Variants in DENND4A observed in about 807,000 individuals in gnomAD.
DENND4A encodes the protein DENN domain containing 4A, also known as C-myc promoter-binding protein.
DENND4A carries 70 observed loss-of-function variants against 199.3 expected under a neutral mutation model. The observed-to-expected ratio is 0.35, with a 90% CI of 0.29 to 0.43. The LOEUF is 0.43. Ranked by LOEUF, DENND4A falls within the 20% of genes least tolerant of loss-of-function variation. The pLI is 1.00. For missense variants in DENND4A, 1,723 were observed against 2,255.8 expected (o/e 0.76, Z 4.78); for synonymous variants, 686 against 766.9 (o/e 0.89, Z 1.74).
intron 1 of DENND4A, among the ~76,000 whole-genome samples, chr15:65,780,537 T>C (rs973776575): frequency 5.3e-5 from 8 of 152,218 alleles, no homozygotes; most frequent in African/African-American, 1.7e-4. Context: ...TGGTCAACTT[T>C]CCATGACATT....
At chr15:65,678,781 T>C (rs2076472829) in intron 23 of DENND4A, among the ~76,000 whole-genome samples, 1 of 151,968 alleles carries the variant, frequency 6.6e-6, no homozygotes, top group Non-Finnish European at 1.5e-5. Context: ...CCTCGACTCC[T>C]CAGGCTCAGG....
intron 1 of DENND4A, among the ~76,000 whole-genome samples, chr15:65,768,850 C>A (rs1337142923): frequency 6.6e-6 from 1 of 151,710 alleles, no homozygotes; most frequent in Non-Finnish European, 1.5e-5. Flanking sequence ...AAAAAATAGC[C>A]GGACGTGGTG....
intron 29 of DENND4A, 100 bp downstream of exon 29, chr15:65,667,349 T>A (rs1404934107): frequency 7.4e-6 from 10 of 1,351,202 alleles, no homozygotes; most frequent in Non-Finnish European, 1.0e-5. Flanking sequence ...ATAAAATAAA[T>A]TTAGCATAAA....
chr15:65,780,160 C>T (rs1044516340), intron 1 of DENND4A, among the ~76,000 whole-genome samples: 3 of 152,174 alleles, frequency 2.0e-5, no homozygotes, highest in Non-Finnish European at 2.9e-5. Flanking sequence ...CCTTGGCCTC[C>T]CAAAGCGTTG....
intron 10 of DENND4A, 83 bp downstream of exon 10, chr15:65,729,451 A>C: frequency 6.7e-7 from 1 of 1,495,228 alleles, no homozygotes; most frequent in Non-Finnish European, 9.0e-7. Flanking sequence ...ATTTTAGTTA[A>C]GTTATATTAA....
rs200674369 is a variant in DENND4A, at chr15:65,667,404, A to G, written c.5241+45T>C. On this transcript the variant is annotated intron_variant, in intron 29 of 32. Coordinates refer to ENST00000443035, the MANE Select transcript of DENND4A (RefSeq NM_001320835.1). The stretch of plus-strand genomic sequence containing the variant: ...TCATTAGGAATATGCAAACATTACA[A>G]TGGTAACAGAAGCATTCATTGCCTT... The G allele has an allele frequency of 5.0e-5, 79 of 1,579,804 alleles. No homozygotes were observed. The Middle Eastern group carries it at 5.1e-4, about 10-fold the overall frequency.
rs2141858406 is a variant in DENND4A, at chr15:65,667,595, C to T, written c.5095G>A (p.Gly1699Ser). Residue 1699 changes from glycine to serine, a missense_variant, in exon 29 of 33, where the codon GGT (glycine) becomes AGT (serine). Gly to Ser is a moderately conservative substitution (Grantham distance 56). Around this residue, in one of 6 missense-constraint regions of DENND4A, gnomAD observed 164 missense variants for 280.1 expected, o/e 0.59. Transcript: ENST00000443035. ...KELESLLENE[G>S]DHAITVADFV... ...TCTGCTACTGTTATTGCATGATCACCTTCATTTTCCAATAAGCTTTCAAGT... is the reference window on the plus strand; with the variant it reads ...TCTGCTACTGTTATTGCATGATCACTTTCATTTTCCAATAAGCTTTCAAGT... 2.5e-6 allele frequency: 4 copies of T among 1,613,972 alleles called. 1 individual carries two copies. The highest frequency in any genetic ancestry group is 3.4e-6 in the Non-Finnish European group (4 of 1,179,888).
At chr15:65,778,120 A>G (rs1252972667) in intron 1 of DENND4A, among the ~76,000 whole-genome samples, 3 of 152,322 alleles carry the variant, frequency 2.0e-5, no homozygotes, top group African/African-American at 7.2e-5. Flanking sequence ...GTTTCAAACA[A>G]TATTCTATAA....
In DENND4A at chr15:65,765,039, T is replaced by C. The variant is rs553329821; in HGVS notation, c.-101-3601A>G. Reference sequence around the variant, plus strand: ...ATTCACATTAGCATTCACAATAATATCAAATATTTCCATTCTGATGAATGA... The same window carrying C: ...ATTCACATTAGCATTCACAATAATACCAAATATTTCCATTCTGATGAATGA... On this transcript the variant is annotated intron_variant, in intron 1 of 32. Transcript: ENST00000443035. Among the ~76,000 whole-genome samples, 10 of 151,690 alleles carry C rather than the reference T, an allele frequency of 6.6e-5. No individual in the cohort carries two copies. In the East Asian group the frequency reaches 7.7e-4, roughly 12 times the overall value.
rs140621061 is a variant in DENND4A, at chr15:65,667,159, G to A, written c.5241+290C>T. Among the ~76,000 whole-genome samples the A allele has an allele frequency of 3.3e-3, 509 of 152,086 alleles. 1 individual carries two copies. The highest frequency in any genetic ancestry group is 5.8e-3 in the Non-Finnish European group (391 of 67,976). On this transcript the variant is annotated intron_variant, in intron 29 of 32. Coordinates refer to ENST00000443035, the MANE Select transcript of DENND4A (RefSeq NM_001320835.1). ...ATCCTGGCCAACATGGTGAAACCCCGTCTCTACTAAAAATACAAAAATTAG... is the reference window on the plus strand; with the variant it reads ...ATCCTGGCCAACATGGTGAAACCCCATCTCTACTAAAAATACAAAAATTAG...
At chr15:65,716,134 A>G (rs1379580524) in intron 13 of DENND4A, among the ~76,000 whole-genome samples, 2 of 152,092 alleles carry the variant, frequency 1.3e-5, no homozygotes, top group Non-Finnish European at 2.9e-5. Context: ...AGGCCCAGGA[A>G]TTCAAGCTCT....
At position 65,737,945 on chromosome 15, in the gene DENND4A, C is replaced by A. The variant is rs1444410488; in HGVS notation, c.802G>T (p.Val268Phe). ...TAAAACTGAATAGCAGCACCATAAA[C>A]CTGCAAAACAAGTAATATATCCAGT... The part of the protein sequence containing the change: ...FVLTGASAEK[V>F]YGAAIQFYEP... Residue 268 changes from valine to phenylalanine, a missense_variant and splice_region_variant, in exon 7 of 33, where the codon GTT (valine) becomes TTT (phenylalanine). Around this residue, in one of 6 missense-constraint regions of DENND4A, gnomAD observed 725 missense variants for 952.9 expected, o/e 0.76. Coordinates refer to ENST00000443035, the MANE Select transcript of DENND4A (RefSeq NM_001320835.1). 6.3e-6 allele frequency: 10 copies of A among 1,575,088 alleles called. No homozygotes were observed.
chr15:65,774,620 A>C (rs1428649970), intron 1 of DENND4A, among the ~76,000 whole-genome samples: 1 of 152,190 alleles, frequency 6.6e-6, no homozygotes, highest in East Asian at 1.9e-4. Context: ...GAGTGAGCTG[A>C]GATCGTGCCA....
At chr15:65,664,887 A>G in intron 30 of DENND4A, 165 bp from the exon 31 acceptor site, 1 of 595,622 alleles carries the variant, frequency 1.7e-6, no homozygotes, top group Non-Finnish European at 2.8e-6. Context: ...AAAATAAGAC[A>G]AATAATGACA....
intron 12 of DENND4A, 91 bp downstream of exon 12, chr15:65,722,757 A>T: frequency 1.0e-6 from 1 of 992,240 alleles, no homozygotes; most frequent in Non-Finnish European, 1.4e-6. Flanking sequence ...GCTTTCTGCT[A>T]GATAAACATT....
intron 12 of DENND4A, among the ~76,000 whole-genome samples, chr15:65,721,480 CA>C (rs1450408560): frequency 6.6e-6 from 1 of 150,636 alleles, no homozygotes; most frequent in Non-Finnish European, 1.5e-5. Flanking sequence ...GCTATAATAC[CA>C]AGAAGATCAG....
rs1329650482 is a variant in DENND4A, at chr15:65,717,989, C to G, written c.1596G>C (p.Gln532His). 1 of 1,596,902 alleles carries G rather than the reference C, an allele frequency of 6.3e-7. No individual in the cohort carries two copies. The highest frequency in any genetic ancestry group is 1.7e-5 in the Admixed American group (1 of 57,298). ...NLHQQLAKLQQRPRDDGLMDL... is the reference protein window; with the variant it reads ...NLHQQLAKLQHRPRDDGLMDL... Reference sequence around the variant, plus strand: ...CCATGAGTCCATCATCTCTCGGTCTCTGCTGCACTGTGAAGACATACAGTG... The same window carrying G: ...CCATGAGTCCATCATCTCTCGGTCTGTGCTGCACTGTGAAGACATACAGTG... The change falls in exon 13 of 33, where the codon CAG becomes CAC. Residue 532 changes from glutamine (Q) to histidine (H), a missense_variant. Transcript: ENST00000443035.
At chr15:65,673,058 C>T (rs979987155) in intron 24 of DENND4A, among the ~76,000 whole-genome samples, 33 of 151,958 alleles carry the variant, frequency 2.2e-4, no homozygotes, top group African/African-American at 7.2e-4. Context: ...GATGGGGTTT[C>T]ACCATGTTGG....
chr15:65,706,495 C>CAT (rs1286110775), intron 14 of DENND4A, among the ~76,000 whole-genome samples: 22 of 88,346 alleles, frequency 2.5e-4, no homozygotes, highest in Middle Eastern at 6.4e-3. Context: ...CACACACACA[C>CAT]ATATATATAT....
Sources: gnomAD v4.1 joint callset for allele counts (sites outside exome capture counted in the v4.1 genomes callset) on GRCh38, gnomAD v4.1.1 for gene constraint, gnomAD v4.1.1 regional missense constraint, MANE v1.5 for transcripts, NCBI Gene and HGNC (gene_info 2026-07-23, HGNC 2026-07-21) for gene names.